Variants in BRINP3 observed in about 807,000 individuals in gnomAD.
BRINP3 encodes the protein BMP/retinoic acid inducible neural specific 3.
Under a neutral mutation model 71.0 loss-of-function variants are expected in BRINP3, and 19 were observed. That is an observed-to-expected ratio of 0.27 (90% CI 0.19 to 0.39). BRINP3 has a LOEUF of 0.39. Ranked by LOEUF, BRINP3 falls within the 10% of genes least tolerant of loss-of-function variation. The pLI is 1.00. For synonymous variants in BRINP3, 380 were observed against 337.7 expected, an observed-to-expected ratio of 1.13 and a Z score of -1.37; for missense variants, 959 against 940.8, an observed-to-expected ratio of 1.02 and a Z score of -0.25.
intron 2 of BRINP3, among the ~76,000 whole-genome samples, chr1:190,412,845 T>C (rs2102417234): frequency 6.6e-6 from 1 of 152,118 alleles, no homozygotes; most frequent in Non-Finnish European, 1.5e-5. Flanking sequence ...ATGCATAATG[T>C]GGGTTAAAAG....
intron 7 of BRINP3, among the ~76,000 whole-genome samples, chr1:190,130,980 C>T (rs911361515): frequency 2.0e-5 from 3 of 151,874 alleles, no homozygotes; most frequent in African/African-American, 7.2e-5. Context: ...GCTCCCTATG[C>T]CCTATCACCT....
At chr1:190,408,162 C>T (rs1031834660) in intron 2 of BRINP3, among the ~76,000 whole-genome samples, 98 of 150,994 alleles carry the variant, frequency 6.5e-4, no homozygotes, top group Non-Finnish European at 1.2e-3. Flanking sequence ...GCTGGGACTA[C>T]AGGCGCCCGC....
intron 2 of BRINP3, among the ~76,000 whole-genome samples, chr1:190,368,517 GC>G (rs1351684754): frequency 2.6e-5 from 4 of 152,086 alleles, no homozygotes; most frequent in Non-Finnish European, 5.9e-5. Context: ...CAAGAGTTTT[GC>G]CTAGGACTTT....
chr1:190,133,636 AACAT>A (rs2102360912), intron 7 of BRINP3, among the ~76,000 whole-genome samples: 1 of 152,202 alleles, frequency 6.6e-6, no homozygotes, highest in African/African-American at 2.4e-5. Flanking sequence ...GCATCTTAAA[AACAT>A]ACTTAATGTA....
intron 7 of BRINP3, among the ~76,000 whole-genome samples, chr1:190,125,011 C>T (rs1274671296): frequency 6.6e-6 from 1 of 151,918 alleles, no homozygotes; most frequent in African/African-American, 2.4e-5. Flanking sequence ...CAGGATAGGA[C>T]CTTGGAGATC....
intron 7 of BRINP3, among the ~76,000 whole-genome samples, chr1:190,121,417 A>AAAT (rs1653646992): frequency 6.6e-6 from 1 of 152,226 alleles, no homozygotes; most frequent in Admixed American, 6.5e-5. Flanking sequence ...ACATTAAGGT[A>AAAT]ACTTAAAACA....
rs574043508 is a variant in BRINP3 at position 190,420,613 on chromosome 1, T to A, written c.236+34042A>T. 3.3e-5 allele frequency among the ~76,000 whole-genome samples: 5 copies of A among 152,094 alleles called. No homozygotes were observed. The South Asian group carries it at 1.0e-3, about 32-fold the overall frequency. On this transcript the variant is annotated intron_variant, in intron 2 of 7. Coordinates refer to ENST00000367462, the MANE Select transcript of BRINP3 (RefSeq NM_199051.3). ...CATATAACTTTAGTAAAGTGTTAAG[T>A]TTTGAAAACTTTCCGTTTGGAGAAA...
chr1:190,351,793 G>A (rs1460327638), intron 2 of BRINP3, among the ~76,000 whole-genome samples: 1 of 152,038 alleles, frequency 6.6e-6, no homozygotes, highest in Non-Finnish European at 1.5e-5. Flanking sequence ...GCTTTAAAAT[G>A]TATACTTCTG....
intron 7 of BRINP3, among the ~76,000 whole-genome samples, chr1:190,134,469 A>C (rs962304996): frequency 6.6e-6 from 1 of 152,130 alleles, no homozygotes; most frequent in Non-Finnish European, 1.5e-5. Flanking sequence ...AAACATCATA[A>C]CTGCTGTGTG....
intron 4 of BRINP3, among the ~76,000 whole-genome samples, chr1:190,250,854 A>T: frequency 6.6e-6 from 1 of 151,954 alleles, no homozygotes; most frequent in East Asian, 1.9e-4. Flanking sequence ...CTTAGCCTGT[A>T]TCTCAGGTTC....
intron 7 of BRINP3, among the ~76,000 whole-genome samples, chr1:190,131,684 T>C (rs532823653): frequency 6.6e-6 from 1 of 152,102 alleles, no homozygotes; most frequent in Non-Finnish European, 1.5e-5. Context: ...TCTGGTAGTA[T>C]CATTCTCCTG....
intron 2 of BRINP3, among the ~76,000 whole-genome samples, chr1:190,308,215 TTATA>T (rs1366086152): frequency 1.3e-5 from 2 of 150,282 alleles, no homozygotes; most frequent in African/African-American, 5.0e-5. Flanking sequence ...TAGTTTTCAA[TTATA>T]TTTAACGGCA....
At chr1:190,224,985 C>A (rs1288100399) in intron 6 of BRINP3, among the ~76,000 whole-genome samples, 1 of 151,652 alleles carries the variant, frequency 6.6e-6, no homozygotes, top group African/African-American at 2.4e-5. Flanking sequence ...ATAACAGGTG[C>A]TGGTGAGGAT....
At chr1:190,237,780 A>C (rs1658668878) in intron 4 of BRINP3, among the ~76,000 whole-genome samples, 1 of 152,038 alleles carries the variant, frequency 6.6e-6, no homozygotes, top group Non-Finnish European at 1.5e-5. Context: ...ACTTCTGAGT[A>C]ATTTTATCAG....
chr1:190,156,353 C>T (rs1656861943), intron 7 of BRINP3, among the ~76,000 whole-genome samples: 1 of 151,908 alleles, frequency 6.6e-6, no homozygotes, highest in African/African-American at 2.4e-5. Flanking sequence ...TGACTGAGAA[C>T]AATTCCATAA....
intron 7 of BRINP3, among the ~76,000 whole-genome samples, chr1:190,138,283 C>T (rs1028713772): frequency 4.6e-5 from 7 of 151,876 alleles, no homozygotes; most frequent in African/African-American, 1.7e-4. Context: ...ATGGTAGATC[C>T]CCAGCAACCC....
At chr1:190,459,769 C>G (rs567996978) in intron 1 of BRINP3, among the ~76,000 whole-genome samples, 20 of 151,996 alleles carry the variant, frequency 1.3e-4, no homozygotes, top group Non-Finnish European at 2.9e-4. Flanking sequence ...CTTGAATATG[C>G]AAAGTCATTT....
chr1:190,387,797 T>C (rs1271388101), intron 2 of BRINP3, among the ~76,000 whole-genome samples: 2 of 151,934 alleles, frequency 1.3e-5, no homozygotes, highest in African/African-American at 4.8e-5. Flanking sequence ...TGGCTTTAAA[T>C]GTCATCTTTA....
At chr1:190,293,888 T>G (rs1571657025) in intron 2 of BRINP3, among the ~76,000 whole-genome samples, 1 of 152,162 alleles carries the variant, frequency 6.6e-6, no homozygotes. Context: ...TTCCACCTCT[T>G]CAATTTCAAT....
Sources: gnomAD v4.1 joint callset for allele counts (sites outside exome capture counted in the v4.1 genomes callset) on GRCh38, gnomAD v4.1.1 for gene constraint, MANE v1.5 for transcripts, NCBI Gene and HGNC (gene_info 2026-07-23, HGNC 2026-07-21) for gene names.